Variants in GPAT3 observed in about 807,000 individuals in gnomAD.
The protein encoded by GPAT3 is 1-AGP acyltransferase 9.
Under a neutral mutation model 58.8 loss-of-function variants are expected in GPAT3, and 53 were observed. The observed-to-expected ratio is 0.90, with a 90% CI of 0.72 to 1.13. GPAT3 has a LOEUF of 1.13. GPAT3 is among the 50% of genes most tolerant of loss of function. The pLI is 0.00. For missense variants in GPAT3, 511 were observed against 527.6 expected (o/e 0.97, Z 0.31); for synonymous variants, 197 against 187.4 (o/e 1.05, Z -0.42).
chr4:83,551,813 A>ATCTATCTATCTATCTATCT (rs1553943810), intron 2 of GPAT3, among the ~76,000 whole-genome samples: 1 of 102,420 alleles, frequency 9.8e-6, no homozygotes, highest in African/African-American at 4.7e-5. Flanking sequence ...AAAAAAAAAA[A>ATCTATCTATCTATCTATCT]ATCTATCTAT....
chr4:83,561,006 C>G (rs989274727), intron 2 of GPAT3, among the ~76,000 whole-genome samples: 6 of 152,216 alleles, frequency 3.9e-5, no homozygotes, highest in African/African-American at 1.4e-4. Context: ...TACCCAATCT[C>G]AGGTATTTCT....
At chr4:83,552,628 A>C (rs1724796358) in intron 2 of GPAT3, among the ~76,000 whole-genome samples, 1 of 152,192 alleles carries the variant, frequency 6.6e-6, no homozygotes, top group Non-Finnish European at 1.5e-5. Flanking sequence ...AAGCAGACAA[A>C]GAAATCTTCC....
chr4:83,548,934 A>T (rs940469574), intron 2 of GPAT3, among the ~76,000 whole-genome samples: 6 of 152,216 alleles, frequency 3.9e-5, no homozygotes, highest in Admixed American at 3.3e-4. Context: ...TACTTTGGGA[A>T]TTTTTTTCTG....
chr4:83,540,701 T>C (rs1724268766), intron 1 of GPAT3, among the ~76,000 whole-genome samples: 1 of 152,152 alleles, frequency 6.6e-6, no homozygotes, highest in Admixed American at 6.5e-5. Flanking sequence ...TATTTCTTTT[T>C]GTGAGACAGA....
At chr4:83,576,172 T>C (rs1203876129) in intron 2 of GPAT3, among the ~76,000 whole-genome samples, 1 of 152,232 alleles carries the variant, frequency 6.6e-6, no homozygotes, top group Non-Finnish European at 1.5e-5. Context: ...CTAGCTAATT[T>C]ATTTTAACTC....
At chr4:83,576,452 A>G (rs1388967100) in intron 2 of GPAT3, among the ~76,000 whole-genome samples, 4 of 150,232 alleles carry the variant, frequency 2.7e-5, no homozygotes, top group Admixed American at 6.6e-5. Flanking sequence ...TTATTTATTT[A>G]TTTACTTTTG....
At chr4:83,596,983 A>G in intron 8 of GPAT3, 70 bp downstream of exon 8, 1 of 1,443,696 alleles carries the variant, frequency 6.9e-7, no homozygotes, top group Non-Finnish European at 9.6e-7. Context: ...GAGGAATAGA[A>G]TTGCCATAGA....
chr4:83,583,957 G>A (rs1726267853), intron 3 of GPAT3, among the ~76,000 whole-genome samples: 1 of 152,054 alleles, frequency 6.6e-6, no homozygotes, highest in South Asian at 2.1e-4. Flanking sequence ...AGAGTGAGGT[G>A]AGGCTCCATT....
chr4:83,589,858 G>A lies in GPAT3; in HGVS notation c.645-341G>A, dbSNP rs1380151240. Among the ~76,000 whole-genome samples the A allele has an allele frequency of 3.3e-5, 5 of 152,250 alleles. 1 individual carries two copies. In the South Asian group the frequency reaches 8.3e-4, roughly 25 times the overall value. On this transcript the variant is annotated intron_variant, in intron 5 of 11. Transcript: ENST00000264409. ...TGTGATCCCAGCACTTTGGGAAGCC[G>A]AGTGGGGCAGATCACTTGAGGTCAG...
intron 2 of GPAT3, among the ~76,000 whole-genome samples, chr4:83,569,648 C>T (rs1252786480): frequency 6.6e-6 from 1 of 152,214 alleles, no homozygotes; most frequent in Non-Finnish European, 1.5e-5. Flanking sequence ...AGAGTCTTAG[C>T]AGAGGGCAGA....
chr4:83,552,960 A>G (rs1724809034), intron 2 of GPAT3, among the ~76,000 whole-genome samples: 1 of 152,142 alleles, frequency 6.6e-6, no homozygotes, highest in South Asian at 2.1e-4. Flanking sequence ...CCATCTGGAA[A>G]TCGGAAAGAG....
intron 2 of GPAT3, among the ~76,000 whole-genome samples, chr4:83,562,170 T>G (rs1725147902): frequency 1.4e-5 from 1 of 70,464 alleles, no homozygotes; most frequent in African/African-American, 7.3e-5. Flanking sequence ...TTTCTAGTTA[T>G]TTTATATATT....
At chr4:83,554,827 G>T (rs540754292) in intron 2 of GPAT3, among the ~76,000 whole-genome samples, 3 of 133,414 alleles carry the variant, frequency 2.2e-5, no homozygotes, top group East Asian at 2.3e-4. Flanking sequence ...TTTTTGAGAT[G>T]GAGTCTTGCT....
chr4:83,583,668 A>G (rs377253947), intron 3 of GPAT3, among the ~76,000 whole-genome samples: 40 of 61,638 alleles, frequency 6.5e-4, no homozygotes, highest in African/African-American at 4.2e-3. Flanking sequence ...CTCTTGTCTG[A>G]AAAAAAAAAA....
intron 6 of GPAT3, among the ~76,000 whole-genome samples, chr4:83,594,350 G>C (rs1726731615): frequency 1.3e-5 from 2 of 152,164 alleles, no homozygotes; most frequent in Non-Finnish European, 2.9e-5. Flanking sequence ...TATATCTTCA[G>C]GGTTAATTTC....
intron 2 of GPAT3, among the ~76,000 whole-genome samples, chr4:83,545,734 A>G (rs1224585450): frequency 6.6e-6 from 1 of 152,152 alleles, no homozygotes; most frequent in Non-Finnish European, 1.5e-5. Context: ...TAATTGCCAG[A>G]TACCTTCTCT....
intron 2 of GPAT3, 41 bp from the exon 3 acceptor site, chr4:83,581,521 G>A: frequency 6.3e-7 from 1 of 1,585,218 alleles, no homozygotes; most frequent in Non-Finnish European, 8.6e-7. Flanking sequence ...CAATTCTTCT[G>A]TCGTATGGCA....
In GPAT3 at chr4:83,578,948, T is replaced by TTTTC. The variant is rs1553946757; in HGVS notation, c.209-2577_209-2574dup. Among the ~76,000 whole-genome samples the TTTTC allele has an allele frequency of 4.7e-3, 335 of 71,874 alleles. 20 individuals carry two copies. The highest frequency in any genetic ancestry group is 0.015 in the Middle Eastern group (2 of 130). The allele number at this position is 71,874 out of a possible 152,430, so 47.2% of individuals were successfully genotyped here. ...TTCTTTCTTTCTTTCTTTTCTTTTC[T>TTTTC]TTTCTTTCTTTCTTTCTTTCTTTCT... On this transcript the variant is annotated intron_variant, in intron 2 of 11. Coordinates refer to ENST00000264409, the MANE Select transcript of GPAT3 (RefSeq NM_032717.5).
At chr4:83,555,518 T>C (rs530595844) in intron 2 of GPAT3, among the ~76,000 whole-genome samples, 2 of 152,298 alleles carry the variant, frequency 1.3e-5, no homozygotes, top group South Asian at 4.1e-4. Context: ...CCCAGCTTCA[T>C]GGGAACAGAG....
Sources: allele counts gnomAD v4.1 joint callset (sites outside exome capture counted in the v4.1 genomes callset), GRCh38; gene constraint gnomAD v4.1.1; transcripts MANE v1.5; gene names NCBI Gene and HGNC (gene_info 2026-07-23, HGNC 2026-07-21).